Variants in ADGRL3 observed in about 807,000 individuals in gnomAD.
ADGRL3 encodes adhesion G protein-coupled receptor L3.
In ADGRL3, 62 loss-of-function variants were observed where a neutral mutation model predicts 153.5. The observed-to-expected ratio is 0.40, with a 90% CI of 0.33 to 0.50. The LOEUF (loss-of-function observed/expected upper bound fraction) is 0.50. Ranked by LOEUF, ADGRL3 falls within the 20% of genes least tolerant of loss-of-function variation. The pLI is 0.47. For synonymous variants in ADGRL3, 710 were observed against 672.5 expected (o/e 1.06, Z -0.86); for missense variants, 1,641 against 1,859.4 (o/e 0.88, Z 2.16).
intron 21 of ADGRL3, among the ~76,000 whole-genome samples, chr4:62,012,308 T>C (rs1316800257): frequency 6.6e-6 from 1 of 152,204 alleles, no homozygotes; most frequent in Non-Finnish European, 1.5e-5. Context: ...CTGCTCCTGA[T>C]TAAACATCAA....
chr4:62,007,258 G>A (rs1171055599), intron 21 of ADGRL3, among the ~76,000 whole-genome samples: 2 of 148,684 alleles, frequency 1.3e-5, no homozygotes, highest in African/African-American at 5.0e-5. Context: ...ACCACTCCCG[G>A]CTGCAAGGGA....
At chr4:61,925,860 A>G (rs923579988) in intron 13 of ADGRL3, among the ~76,000 whole-genome samples, 1 of 152,214 alleles carries the variant, frequency 6.6e-6, no homozygotes, top group African/African-American at 2.4e-5. Context: ...CAGATATCTT[A>G]TATAAGCTTC....
At chr4:61,803,505 C>T (rs997497013) in intron 8 of ADGRL3, among the ~76,000 whole-genome samples, 10 of 152,096 alleles carry the variant, frequency 6.6e-5, no homozygotes, top group African/African-American at 2.4e-4. Context: ...TCACTGACGT[C>T]TCTCTCACTC....
At chr4:61,397,383 C>G (rs1195884668) in intron 2 of ADGRL3, among the ~76,000 whole-genome samples, 1 of 151,832 alleles carries the variant, frequency 6.6e-6, no homozygotes. Context: ...TTCTATCCAG[C>G]CTTAAACACA....
chr4:61,415,085 A>AT (rs1170288540), intron 2 of ADGRL3, among the ~76,000 whole-genome samples: 1 of 151,848 alleles, frequency 6.6e-6, no homozygotes, highest in East Asian at 1.9e-4. Context: ...AACTTTAGGT[A>AT]TTTTTTAGTG....
chr4:61,835,353 A>AG (rs1229441729), intron 9 of ADGRL3, among the ~76,000 whole-genome samples: 1 of 146,754 alleles, frequency 6.8e-6, no homozygotes, highest in Non-Finnish European at 1.5e-5. Flanking sequence ...AAAAAAAAAA[A>AG]AAAAAAAGGA....
chr4:61,925,072 A>G (rs538262920), intron 13 of ADGRL3, among the ~76,000 whole-genome samples: 6 of 152,276 alleles, frequency 3.9e-5, no homozygotes, highest in African/African-American at 1.4e-4. Flanking sequence ...ATGATATACA[A>G]TTGTACTGAT....
intron 21 of ADGRL3, among the ~76,000 whole-genome samples, chr4:62,012,148 T>A (rs1484166377): frequency 6.6e-6 from 1 of 152,144 alleles, no homozygotes; most frequent in Non-Finnish European, 1.5e-5. Flanking sequence ...CAACCTCTTT[T>A]TAAAGCTTCT....
intron 9 of ADGRL3, among the ~76,000 whole-genome samples, chr4:61,826,453 TATAA>T (rs1363748034): frequency 2.6e-5 from 4 of 152,128 alleles, no homozygotes; most frequent in Admixed American, 6.6e-5. Flanking sequence ...CAAAGGAAAG[TATAA>T]ATAAACAAAA....
At chr4:61,269,227 A>G (rs2093021613) in intron 1 of ADGRL3, among the ~76,000 whole-genome samples, 1 of 151,648 alleles carries the variant, frequency 6.6e-6, no homozygotes, top group African/African-American at 2.4e-5. Context: ...ATGAGAATTC[A>G]GACATTCTTT....
In ADGRL3 at chr4:61,983,620, C is replaced by A. The variant is rs1581742443; in HGVS notation, c.3236+17C>A. 1.2e-6 allele frequency: 2 copies of A among 1,603,062 alleles called. No individual in the cohort carries two copies. Among genetic ancestry groups the A allele is most frequent in the Non-Finnish European group, 1.7e-6 (2 of 1,172,248 alleles). ...AGATAAAGTGTAAGTTTATTGTTTT[C>A]TTTCTTTTTAAATCTAGGTGAAATA... is the stretch of plus-strand genomic sequence containing the variant. On this transcript the variant is annotated intron_variant, in intron 19 of 26. Transcript: ENST00000683033.
intron 2 of ADGRL3, chr4:61,426,869 G>A (rs560981610): frequency 3.9e-5 from 6 of 152,332 alleles, no homozygotes; most frequent in African/African-American, 1.4e-4. Context: ...TTGCCTATCA[G>A]TTTTATCTCG....
At chr4:61,703,182 G>A (rs576436732) in intron 6 of ADGRL3, among the ~76,000 whole-genome samples, 1 of 152,130 alleles carries the variant, frequency 6.6e-6, no homozygotes, top group South Asian at 2.1e-4. Flanking sequence ...CAGTTTCCCT[G>A]TCAGTAAAAT....
In ADGRL3 at chr4:62,005,999, C is replaced by T. The variant is rs1221201052; in HGVS notation, c.3395+7734C>T. On this transcript the variant is annotated intron_variant, in intron 21 of 26. Coordinates refer to ENST00000683033, the MANE Select transcript of ADGRL3 (RefSeq NM_001387552.1). ...ACACACACACACACACACACACACA[C>T]ACACATATATATATATATATATATA... is the stretch of plus-strand genomic sequence containing the variant. Among the ~76,000 whole-genome samples, 216 of 82,494 alleles carry T rather than the reference C, an allele frequency of 2.6e-3. 1 individual carries two copies. Among genetic ancestry groups the T allele is most frequent in the African/African-American group, 7.1e-3 (158 of 22,368 alleles). 54.1% of individuals were successfully genotyped at this position (82,494 alleles called of 152,430 possible).
At chr4:61,926,341 C>G (rs2098794318) in intron 13 of ADGRL3, among the ~76,000 whole-genome samples, 1 of 152,208 alleles carries the variant, frequency 6.6e-6, no homozygotes, top group South Asian at 2.1e-4. Flanking sequence ...TTTATACCCA[C>G]TACCTTTACC....
chr4:61,871,419 G>A (rs920795900), intron 9 of ADGRL3, among the ~76,000 whole-genome samples: 1 of 152,108 alleles, frequency 6.6e-6, no homozygotes, highest in African/African-American at 2.4e-5. Context: ...ACTGATTCAT[G>A]GAATCTCATT....
intron 5 of ADGRL3, among the ~76,000 whole-genome samples, chr4:61,589,705 G>A (rs1438474934): frequency 6.6e-6 from 1 of 152,030 alleles, no homozygotes; most frequent in Non-Finnish European, 1.5e-5. Context: ...TGTTTAAAAA[G>A]CCCATAACTT....
chr4:61,700,728 A>T (rs1352758055), intron 6 of ADGRL3, among the ~76,000 whole-genome samples: 1 of 152,176 alleles, frequency 6.6e-6, no homozygotes, highest in Non-Finnish European at 1.5e-5. Flanking sequence ...AAATCAAGAA[A>T]TGTTTACTTG....
In ADGRL3 at chr4:61,606,126, TA is replaced by T. The variant is rs35842391; in HGVS notation, c.473+18695del. 5.9e-4 allele frequency among the ~76,000 whole-genome samples: 88 copies of T among 150,328 alleles called. No homozygotes were observed. The Middle Eastern group carries it at 0.01, about 17-fold the overall frequency. ...TCTTAGCTCAGTCTTAAACTGTACA[TA>T]AAAAAAAAGGGGTCACAGTGCATTC... On this transcript the variant is annotated intron_variant, in intron 5 of 26. Coordinates refer to ENST00000683033, the MANE Select transcript of ADGRL3 (RefSeq NM_001387552.1).
Sources: allele counts gnomAD v4.1 joint callset (sites outside exome capture counted in the v4.1 genomes callset), GRCh38; gene constraint gnomAD v4.1.1; transcripts MANE v1.5; gene names NCBI Gene and HGNC (gene_info 2026-07-23, HGNC 2026-07-21).